Variants in MCPH1 observed in about 807,000 individuals in gnomAD.
MCPH1 encodes the protein microcephalin.
Under a neutral mutation model 84.5 loss-of-function variants are expected in MCPH1, and 104 were observed. The ratio of observed to expected loss-of-function variants is 1.23; its 90% confidence interval spans 1.05 to 1.45. The LOEUF is 1.45. Ranked by LOEUF, MCPH1 falls within the 40% of genes most tolerant of loss-of-function variation. The probability of loss-of-function intolerance (pLI) is 0.00; values close to 1 mark genes in which losing one functional copy is unlikely to be tolerated. For synonymous variants in MCPH1, 514 were observed against 366.8 expected, an observed-to-expected ratio of 1.40 and a Z score of -4.58; for missense variants, 1,498 against 1,005.7, an observed-to-expected ratio of 1.49 and a Z score of -6.62.
chr8:6,623,821 GTTGTT>G (rs771754115), intron 13 of MCPH1, among the ~76,000 whole-genome samples: 1 of 151,738 alleles, frequency 6.6e-6, no homozygotes, highest in East Asian at 1.9e-4. Flanking sequence ...AACAGAGGTT[GTTGTT>G]TTGTTTTTCT....
chr8:6,490,623 G>T (rs1810455307), intron 11 of MCPH1, among the ~76,000 whole-genome samples: 1 of 152,092 alleles, frequency 6.6e-6, no homozygotes, highest in South Asian at 2.1e-4. Context: ...TGTACATTTT[G>T]CTACCTGATA....
intron 12 of MCPH1, among the ~76,000 whole-genome samples, chr8:6,533,622 C>T (rs1258800806): frequency 7.1e-6 from 1 of 141,582 alleles, no homozygotes; most frequent in Non-Finnish European, 1.5e-5. Flanking sequence ...ACCATTCTTC[C>T]ATTCCCTGGT....
chr8:6,600,079 A>G (rs1829242187), intron 12 of MCPH1, among the ~76,000 whole-genome samples: 1 of 152,264 alleles, frequency 6.6e-6, no homozygotes, highest in Non-Finnish European at 1.5e-5. Context: ...TTCATGCTAA[A>G]TAAAAGTTAC....
At chr8:6,447,774 C>G (rs1238828451) in intron 8 of MCPH1, among the ~76,000 whole-genome samples, 2 of 152,210 alleles carry the variant, frequency 1.3e-5, no homozygotes, top group African/African-American at 4.8e-5. Flanking sequence ...TGGTCTTGAA[C>G]TCGCGACCTC....
At chr8:6,540,500 G>C (rs1238775502) in intron 12 of MCPH1, among the ~76,000 whole-genome samples, 1 of 152,232 alleles carries the variant, frequency 6.6e-6, no homozygotes, top group African/African-American at 2.4e-5. Flanking sequence ...CCAGATGTCT[G>C]TGAGCGTGCA....
At chr8:6,580,823 C>G (rs1377748666) in intron 12 of MCPH1, among the ~76,000 whole-genome samples, 1 of 152,170 alleles carries the variant, frequency 6.6e-6, no homozygotes. Context: ...CTTCCTATTC[C>G]TGTAAATAAC....
At chr8:6,463,604 C>T (rs1563244506) in intron 9 of MCPH1, among the ~76,000 whole-genome samples, 1 of 151,960 alleles carries the variant, frequency 6.6e-6, no homozygotes, top group African/African-American at 2.4e-5. Flanking sequence ...TACTAGATGC[C>T]CAGAGGGTGG....
At chr8:6,605,337 A>G (rs959023609) in intron 12 of MCPH1, among the ~76,000 whole-genome samples, 8 of 152,138 alleles carry the variant, frequency 5.3e-5, no homozygotes, top group Admixed American at 3.9e-4. Flanking sequence ...CCTTGCAAAA[A>G]AGCTTGTTTC....
chr8:6,585,323 T>A (rs550925279), intron 12 of MCPH1, among the ~76,000 whole-genome samples: 1 of 152,192 alleles, frequency 6.6e-6, no homozygotes, highest in Non-Finnish European at 1.5e-5. Flanking sequence ...CCCAGGAGTT[T>A]CCTGTTTGAA....
At chr8:6,481,684 T>A (rs1809263002) in intron 11 of MCPH1, among the ~76,000 whole-genome samples, 1 of 152,234 alleles carries the variant, frequency 6.6e-6, no homozygotes, top group African/African-American at 2.4e-5. Context: ...CTTTTTTCCG[T>A]GTTGTGACAG....
At chr8:6,481,167 A>C (rs961083363) in intron 11 of MCPH1, among the ~76,000 whole-genome samples, 1 of 152,198 alleles carries the variant, frequency 6.6e-6, no homozygotes, top group Non-Finnish European at 1.5e-5. Flanking sequence ...AAGAAACGCA[A>C]GATGCATGTT....
At chr8:6,622,619 C>G (rs776703723) in intron 13 of MCPH1, among the ~76,000 whole-genome samples, 2 of 152,160 alleles carry the variant, frequency 1.3e-5, no homozygotes, top group Admixed American at 6.5e-5. Flanking sequence ...CATTGTCTCT[C>G]AGTTCTGGAG....
chr8:6,528,629 C>T (rs1255906667), intron 12 of MCPH1, among the ~76,000 whole-genome samples: 1 of 152,222 alleles, frequency 6.6e-6, no homozygotes, highest in East Asian at 1.9e-4. Flanking sequence ...ATGAGCAGTG[C>T]GGCTCTCCCG....
At chr8:6,596,768 C>T (rs908371936) in intron 12 of MCPH1, among the ~76,000 whole-genome samples, 13 of 152,146 alleles carry the variant, frequency 8.5e-5, no homozygotes, top group African/African-American at 1.2e-4. Context: ...CAGATCAACG[C>T]GAGAATAAAT....
At chr8:6,415,427 C>A (rs531985807) in intron 3 of MCPH1, among the ~76,000 whole-genome samples, 8 of 151,844 alleles carry the variant, frequency 5.3e-5, no homozygotes, top group Non-Finnish European at 1.2e-4. Context: ...AGCTGGGATT[C>A]ATCTCAACCT....
chr8:6,492,575 A>G (rs1810744712), intron 11 of MCPH1, among the ~76,000 whole-genome samples: 1 of 151,144 alleles, frequency 6.6e-6, no homozygotes, highest in South Asian at 2.1e-4. Context: ...TATTATTGCC[A>G]AGGTTTTCTA....
At chr8:6,532,878 A>G (rs1407057625) in intron 12 of MCPH1, among the ~76,000 whole-genome samples, 1 of 152,214 alleles carries the variant, frequency 6.6e-6, no homozygotes, top group Non-Finnish European at 1.5e-5. Context: ...TCAGGAAATG[A>G]TAATTTGACA....
rs1799029424 is a variant in MCPH1, at chr8:6,414,814, G to T, written c.164G>T (p.Gly55Val). The T allele has an allele frequency of 7.4e-6, 12 of 1,613,672 alleles. No homozygotes were observed. Among genetic ancestry groups the T allele is most frequent in the African/African-American group, 2.7e-5 (2 of 74,846 alleles). ...KQVTHVIFKD[G>V]YQSTWDKAQK... ...GTAACTCACGTTATCTTCAAAGATG[G>T]CTACCAGAGCACTTGGGACAAAGCT... The change falls in exon 3 of 14, where the codon GGC (glycine) becomes GTC (valine). Residue 55 changes from glycine to valine, a missense_variant. Coordinates refer to ENST00000344683, the MANE Select transcript of MCPH1 (RefSeq NM_024596.5).
chr8:6,625,657 C>T (rs1481787727), intron 13 of MCPH1: 7 of 985,158 alleles, frequency 7.1e-6, no homozygotes, highest in Middle Eastern at 5.2e-4. Context: ...TTGAGCCGGG[C>T]GTGGTGGCCC....
Sources: gnomAD v4.1 joint callset for allele counts (sites outside exome capture counted in the v4.1 genomes callset) on GRCh38, gnomAD v4.1.1 for gene constraint, MANE v1.5 for transcripts, NCBI Gene and HGNC (gene_info 2026-07-23, HGNC 2026-07-21) for gene names.